FAF1: variants seen among roughly 807,000 people sequenced by gnomAD.
FAF1 encodes the protein FAS-associated factor 1.
In FAF1, 25 loss-of-function variants were observed where a neutral mutation model predicts 92.5. The ratio of observed to expected loss-of-function variants is 0.27; its 90% CI spans 0.20 to 0.38. The LOEUF (loss-of-function observed/expected upper bound fraction) is 0.38. Ranked by LOEUF, FAF1 falls within the 10% of genes least tolerant of loss-of-function variation. The probability of loss-of-function intolerance (pLI) is 1.00; values close to 1 mark genes in which losing one functional copy is unlikely to be tolerated. For synonymous variants in FAF1, 234 were observed against 273.2 expected (o/e 0.86, Z 1.42); for missense variants, 636 against 793.3 (o/e 0.80, Z 2.38).
chr1:50,577,068 C>T (rs571483728), intron 12 of FAF1, among the ~76,000 whole-genome samples: 1 of 152,308 alleles, frequency 6.6e-6, no homozygotes, highest in East Asian at 1.9e-4. Context: ...CAATGCAACT[C>T]CGTCCTGCAT....
intron 1 of FAF1, among the ~76,000 whole-genome samples, chr1:50,892,676 G>C (rs192330584): frequency 6.6e-6 from 1 of 152,244 alleles, no homozygotes; most frequent in East Asian, 1.9e-4. Context: ...TCTTTCAGTT[G>C]AATCAGCTTG....
intron 7 of FAF1, among the ~76,000 whole-genome samples, chr1:50,686,400 G>A (rs2124379967): frequency 6.6e-6 from 1 of 152,160 alleles, no homozygotes; most frequent in African/African-American, 2.4e-5. Flanking sequence ...AAATTAGCTG[G>A]GTGTGGTGGC....
chr1:50,510,589 A>G (rs1407113693), intron 15 of FAF1, among the ~76,000 whole-genome samples: 1 of 152,188 alleles, frequency 6.6e-6, no homozygotes, highest in African/African-American at 2.4e-5. Context: ...GGGCTCTGAT[A>G]AGTGTCCCAG....
chr1:50,462,098 T>C (rs1306258212), intron 18 of FAF1: 1 of 149,220 alleles, frequency 6.7e-6, no homozygotes, highest in Admixed American at 6.7e-5. Flanking sequence ...CACACATATA[T>C]ATAAAAACTT....
At chr1:50,670,307 C>G (rs1291374833) in intron 7 of FAF1, among the ~76,000 whole-genome samples, 3 of 151,806 alleles carry the variant, frequency 2.0e-5, no homozygotes. Context: ...AGGCTGGTCT[C>G]GAACTCCTGG....
At chr1:50,475,081 T>C (rs549128188) in intron 18 of FAF1, among the ~76,000 whole-genome samples, 1 of 152,370 alleles carries the variant, frequency 6.6e-6, no homozygotes, top group South Asian at 2.1e-4. Flanking sequence ...TTAGTGAACC[T>C]ACATTCATTG....
intron 7 of FAF1, among the ~76,000 whole-genome samples, chr1:50,689,404 G>A (rs1001614344): frequency 1.3e-4 from 20 of 152,090 alleles, no homozygotes; most frequent in African/African-American, 4.8e-4. Context: ...CTAACACAGT[G>A]AAACCCCGTC....
intron 1 of FAF1, among the ~76,000 whole-genome samples, chr1:50,906,699 G>A (rs1015597198): frequency 2.6e-5 from 4 of 152,100 alleles, no homozygotes; most frequent in African/African-American, 9.7e-5. Context: ...TTGGTGTATA[G>A]GAATGCCTGT....
intron 7 of FAF1, among the ~76,000 whole-genome samples, chr1:50,696,055 A>C (rs186233652): frequency 6.6e-6 from 1 of 151,806 alleles, no homozygotes; most frequent in Non-Finnish European, 1.5e-5. Flanking sequence ...AAAACAATTC[A>C]AATTATATAA....
intron 6 of FAF1, among the ~76,000 whole-genome samples, chr1:50,728,545 C>T (rs1658758887): frequency 6.6e-6 from 1 of 152,134 alleles, no homozygotes; most frequent in East Asian, 1.9e-4. Flanking sequence ...AATTCCAGCA[C>T]TTTGGGAGGC....
chr1:50,820,968 G>A (rs1414222635), intron 2 of FAF1, among the ~76,000 whole-genome samples: 1 of 152,114 alleles, frequency 6.6e-6, no homozygotes, highest in Non-Finnish European at 1.5e-5. Context: ...CACAGGGCTT[G>A]GTCATGTTAC....
intron 8 of FAF1, among the ~76,000 whole-genome samples, chr1:50,637,711 G>T (rs1191321148): frequency 6.8e-6 from 1 of 146,818 alleles, no homozygotes; most frequent in South Asian, 2.1e-4. Context: ...GTGTGTGTGT[G>T]TGCGTGTGCA....
intron 6 of FAF1, among the ~76,000 whole-genome samples, chr1:50,716,489 C>T (rs1658178805): frequency 6.6e-6 from 1 of 152,148 alleles, no homozygotes; most frequent in Admixed American, 6.5e-5. Flanking sequence ...ACTTGGAGAA[C>T]TTTTCTGTCT....
chr1:50,672,425 G>A (rs1460581557), intron 7 of FAF1, among the ~76,000 whole-genome samples: 1 of 151,884 alleles, frequency 6.6e-6, no homozygotes. Context: ...GGAGGGACAG[G>A]GTATCACCCA....
intron 6 of FAF1, among the ~76,000 whole-genome samples, chr1:50,722,522 G>A (rs745929658): frequency 2.5e-4 from 38 of 151,934 alleles, no homozygotes; most frequent in African/African-American, 5.3e-4. Flanking sequence ...GGCGGCGGGC[G>A]CCTGTAGTCC....
chr1:50,852,703 CA>C (rs1644360884), intron 2 of FAF1, among the ~76,000 whole-genome samples: 1 of 152,148 alleles, frequency 6.6e-6, no homozygotes, highest in African/African-American at 2.4e-5. Context: ...TGAGCTTGGA[CA>C]GTTTACTTAA....
intron 1 of FAF1, among the ~76,000 whole-genome samples, chr1:50,883,575 T>G (rs951543203): frequency 6.6e-6 from 1 of 152,190 alleles, no homozygotes; most frequent in African/African-American, 2.4e-5. Flanking sequence ...AATGCACATT[T>G]CACAAGACTA....
At chr1:50,553,096 A>G (rs1649389407) in intron 13 of FAF1, among the ~76,000 whole-genome samples, 1 of 152,182 alleles carries the variant, frequency 6.6e-6, no homozygotes. Flanking sequence ...AAACAGGATG[A>G]GGAATATGAA....
intron 1 of FAF1, among the ~76,000 whole-genome samples, chr1:50,958,558 G>T (rs1473638030): frequency 6.6e-6 from 1 of 151,854 alleles, no homozygotes; most frequent in Non-Finnish European, 1.5e-5. Flanking sequence ...GGCGCCTGTA[G>T]TCCCAGCTAC....
Sources: allele counts gnomAD v4.1 joint callset (sites outside exome capture counted in the v4.1 genomes callset), GRCh38; gene constraint gnomAD v4.1.1; transcripts MANE v1.5; gene names NCBI Gene and HGNC (gene_info 2026-07-23, HGNC 2026-07-21).